ADGRL2: variants seen among roughly 807,000 people sequenced by gnomAD.
ADGRL2 encodes the protein adhesion G protein-coupled receptor L2, also known as calcium-independent alpha-latrotoxin receptor 2.
In ADGRL2, 44 loss-of-function variants were observed where a neutral mutation model predicts 157.4. The observed-to-expected ratio is 0.28, with a 90% CI of 0.22 to 0.36. The LOEUF (loss-of-function observed/expected upper bound fraction) is 0.36. Among genes scored for constraint, ADGRL2 ranks in the 10% least tolerant of loss-of-function variants. ADGRL2 has a pLI of 1.00. For synonymous variants in ADGRL2, 585 were observed against 624.7 expected (o/e 0.94, Z 0.95); for missense variants, 1,510 against 1,768.9 (o/e 0.85, Z 2.63).
intron 2 of ADGRL2, among the ~76,000 whole-genome samples, chr1:81,449,107 A>T (rs1183905656): frequency 6.6e-6 from 1 of 152,214 alleles, no homozygotes; most frequent in Admixed American, 6.5e-5. Context: ...AATACTTTGG[A>T]TACATAGTGC....
chr1:81,946,916 G>A (rs3790889), intron 6 of ADGRL2, among the ~76,000 whole-genome samples: 57,972 of 151,930 alleles, frequency 0.38, 11,409 homozygotes, highest in Middle Eastern at 0.43. Flanking sequence ...ATAAATGTCT[G>A]TTGTCTTCAA....
intron 2 of ADGRL2, among the ~76,000 whole-genome samples, chr1:81,790,668 C>A (rs1354565735): frequency 3.3e-5 from 5 of 152,188 alleles, no homozygotes; most frequent in African/African-American, 9.6e-5. Flanking sequence ...ATCTAACTCT[C>A]ATTTATTCCA....
chr1:81,641,187 T>G (rs2082212422), intron 3 of ADGRL2, among the ~76,000 whole-genome samples: 1 of 152,172 alleles, frequency 6.6e-6, no homozygotes, highest in African/African-American at 2.4e-5. Flanking sequence ...TCGACAGAAC[T>G]GCAAGGAGAA....
intron 4 of ADGRL2, among the ~76,000 whole-genome samples, chr1:81,938,999 C>A (rs2095349898): frequency 6.6e-6 from 1 of 151,468 alleles, no homozygotes; most frequent in Admixed American, 6.6e-5. Flanking sequence ...AAAATTGTCA[C>A]CATCAGATAA....
chr1:81,773,040 C>G (rs576752284), intron 2 of ADGRL2, among the ~76,000 whole-genome samples: 12 of 152,210 alleles, frequency 7.9e-5, no homozygotes, highest in African/African-American at 2.4e-4. Context: ...CACTTGATCC[C>G]AAGCCCCTGA....
chr1:81,455,082 C>A (rs2077776466), intron 2 of ADGRL2, among the ~76,000 whole-genome samples: 1 of 152,192 alleles, frequency 6.6e-6, no homozygotes, highest in African/African-American at 2.4e-5. Flanking sequence ...GTTTAGGCAA[C>A]TAGAAACCTA....
chr1:81,657,397 G>A (rs970786919), intron 3 of ADGRL2, among the ~76,000 whole-genome samples: 3 of 152,120 alleles, frequency 2.0e-5, no homozygotes, highest in East Asian at 1.9e-4. Flanking sequence ...CTTGGACTTC[G>A]CAGCCTCCAG....
chr1:81,504,275 C>G (rs1386764081), intron 2 of ADGRL2, among the ~76,000 whole-genome samples: 1 of 152,154 alleles, frequency 6.6e-6, no homozygotes, highest in Admixed American at 6.5e-5. Flanking sequence ...TTCCCCAGCC[C>G]TCTTCAGCCC....
chr1:81,956,019 T>G lies in ADGRL2; in HGVS notation c.1976T>G (p.Leu659Arg), dbSNP rs1380650355. The G allele has an allele frequency of 3.7e-6, 6 of 1,610,580 alleles. No homozygotes were observed. Among genetic ancestry groups the G allele is most frequent in the South Asian group, 1.1e-5 (1 of 90,280 alleles). The change falls in exon 11 of 24, where the codon CTT becomes CGT. Residue 659 changes from leucine (L) to arginine (R), a missense_variant. Transcript: ENST00000686636. ...GGAGCTTTTGTCCTAGCTGACAATCTTTTAGAACCAACAAGGGTCTCAATG... is the reference window on the plus strand; with the variant it reads ...GGAGCTTTTGTCCTAGCTGACAATCGTTTAGAACCAACAAGGGTCTCAATG... ...EEGAFVLADN[L>R]LEPTRVSMPT... is the part of the protein sequence containing the mutation.
At chr1:81,413,598 T>A (rs955573094) in intron 1 of ADGRL2, among the ~76,000 whole-genome samples, 3 of 152,204 alleles carry the variant, frequency 2.0e-5, no homozygotes, top group South Asian at 2.1e-4. Flanking sequence ...AAATGTCATG[T>A]CCTCGTTCGA....
chr1:81,762,302 AG>A (rs1312680238), intron 2 of ADGRL2, among the ~76,000 whole-genome samples: 1 of 152,204 alleles, frequency 6.6e-6, no homozygotes, highest in Non-Finnish European at 1.5e-5. Context: ...GGGGCTTTGC[AG>A]CATCTGTGAA....
At chr1:81,448,156 T>C (rs1383381196) in intron 2 of ADGRL2, among the ~76,000 whole-genome samples, 1 of 139,722 alleles carries the variant, frequency 7.2e-6, no homozygotes, top group Non-Finnish European at 1.5e-5. Flanking sequence ...TTTTTTTTTT[T>C]TTTTTTGAGA....
chr1:81,508,253 T>C (rs1393655458), intron 2 of ADGRL2, among the ~76,000 whole-genome samples: 1 of 152,238 alleles, frequency 6.6e-6, no homozygotes, highest in Non-Finnish European at 1.5e-5. Flanking sequence ...GACTTCTCGA[T>C]GCATGCATGT....
intron 1 of ADGRL2, among the ~76,000 whole-genome samples, chr1:81,380,237 C>T (rs1196030194): frequency 3.3e-5 from 5 of 152,030 alleles, no homozygotes; most frequent in Non-Finnish European, 7.4e-5. Flanking sequence ...GTTGTATTTC[C>T]TCTTTTGTGA....
At position 81,489,082 on chromosome 1, in the gene ADGRL2, A is replaced by G. The variant is rs570647176; in HGVS notation, c.-248+43993A>G. ...GTGAAACCCTGTCTCTACTAAAAAT[A>G]CAAAAATTAGCTGGGCACGTGGTGT... On this transcript the variant is annotated intron_variant, in intron 2 of 24. Transcript: ENST00000370721. 1.2e-4 allele frequency among the ~76,000 whole-genome samples: 18 copies of G among 152,174 alleles called. No individual in the cohort carries two copies. In the East Asian group the frequency reaches 3.5e-3, roughly 29 times the overall value.
At chr1:81,665,827 C>T (rs1277614848) in intron 3 of ADGRL2, among the ~76,000 whole-genome samples, 1 of 151,894 alleles carries the variant, frequency 6.6e-6, no homozygotes, top group Non-Finnish European at 1.5e-5. Flanking sequence ...TGTCAATAAC[C>T]AGTCTCAATT....
intron 17 of ADGRL2, 105 bp downstream of exon 17, chr1:81,972,023 T>A (rs1658905081): frequency 1.7e-6 from 1 of 577,760 alleles, no homozygotes; most frequent in African/African-American, 1.9e-5. Flanking sequence ...TATACAAAGA[T>A]TTATAAATAT....
At chr1:81,782,714 A>G (rs1320033498) in intron 2 of ADGRL2, among the ~76,000 whole-genome samples, 3 of 152,214 alleles carry the variant, frequency 2.0e-5, no homozygotes, top group Non-Finnish European at 2.9e-5. Flanking sequence ...CCTGTTAAGA[A>G]TCTTTGCCAG....
intron 1 of ADGRL2, among the ~76,000 whole-genome samples, chr1:81,435,153 A>G (rs1046924921): frequency 1.3e-5 from 2 of 152,232 alleles, no homozygotes; most frequent in African/African-American, 4.8e-5. Context: ...AAATATTAAA[A>G]TAAAATTACA....
Sources: gnomAD v4.1 joint callset for allele counts (sites outside exome capture counted in the v4.1 genomes callset) on GRCh38, gnomAD v4.1.1 for gene constraint, MANE v1.5 for transcripts, NCBI Gene and HGNC (gene_info 2026-07-23, HGNC 2026-07-21) for gene names.